CLIP1: variants seen among roughly 807,000 people sequenced by gnomAD.
CLIP1 encodes the protein CAP-Gly domain containing linker protein 1.
Under a neutral mutation model 161.6 loss-of-function variants are expected in CLIP1, and 66 were observed. That is an observed-to-expected ratio of 0.41 (90% CI 0.33 to 0.50). The LOEUF (loss-of-function observed/expected upper bound fraction) is 0.50. Ranked by LOEUF, CLIP1 falls within the 20% of genes least tolerant of loss-of-function variation. The probability of loss-of-function intolerance (pLI) is 0.27; values close to 1 mark genes in which losing one functional copy is unlikely to be tolerated. For missense variants in CLIP1, 1,376 were observed against 1,702.0 expected (o/e 0.81, Z 3.37); for synonymous variants, 598 against 626.2 (o/e 0.96, Z 0.67).
At chr12:122,366,077 TGGGTG>T in intron 3 of CLIP1, among the ~76,000 whole-genome samples, 1 of 151,770 alleles carries the variant, frequency 6.6e-6, no homozygotes. Flanking sequence ...GAGGCCAAGG[TGGGTG>T]GATCACCTGA....
At chr12:122,415,085 T>A (rs1466695832) in intron 1 of CLIP1, among the ~76,000 whole-genome samples, 1 of 151,616 alleles carries the variant, frequency 6.6e-6, no homozygotes, top group East Asian at 2.0e-4. Context: ...AATAATTTTT[T>A]AAAAAAACAT....
At chr12:122,373,298 C>T (rs1235733250) in intron 3 of CLIP1, among the ~76,000 whole-genome samples, 2 of 151,828 alleles carry the variant, frequency 1.3e-5, no homozygotes, top group South Asian at 2.1e-4. Flanking sequence ...TGGTGGCGCA[C>T]GTCTGTAGTC....
intron 5 of CLIP1, among the ~76,000 whole-genome samples, chr12:122,360,292 G>A (rs189224673): frequency 6.6e-6 from 1 of 152,030 alleles, no homozygotes; most frequent in African/African-American, 2.4e-5. Context: ...AGAAAGAGAG[G>A]CTGGGAGCAG....
rs771798861 is a variant in CLIP1 at position 122,351,160 on chromosome 12, A to T, written c.1369-17T>A. The T allele has an allele frequency of 6.7e-5, 96 of 1,425,106 alleles. No individual in the cohort carries two copies. The highest frequency in any genetic ancestry group is 8.3e-5 in the Non-Finnish European group (89 of 1,076,222). The allele number at this position is 1,425,106 out of a possible 1,614,324, so 88.3% of individuals were successfully genotyped here. A position where few individuals can be genotyped will look rare whatever the true frequency, so the allele number is the denominator to read the frequency against. ...GCTCTTTTGCTATCAGTAAAAAAAT[A>T]AAAAAAATTAAACAACAACAAAAAA... On this transcript the variant is annotated splice_polypyrimidine_tract_variant and intron_variant, in intron 8 of 25. Coordinates refer to ENST00000620786, the MANE Select transcript of CLIP1 (RefSeq NM_001247997.2).
chr12:122,398,610 A>G (rs924462106), intron 1 of CLIP1, among the ~76,000 whole-genome samples: 1 of 151,944 alleles, frequency 6.6e-6, no homozygotes, highest in Non-Finnish European at 1.5e-5. Context: ...GCTCACACCT[A>G]TAATCCCAGC....
intron 1 of CLIP1, among the ~76,000 whole-genome samples, chr12:122,397,841 G>C (rs1955983245): frequency 6.6e-6 from 1 of 151,726 alleles, no homozygotes; most frequent in African/African-American, 2.4e-5. Context: ...TGTAATCCCA[G>C]CTACTCAGTA....
intron 15 of CLIP1, 110 bp from the exon 16 acceptor site, chr12:122,328,536 T>A: frequency 1.6e-6 from 1 of 645,068 alleles, no homozygotes; most frequent in Non-Finnish European, 2.3e-6. Flanking sequence ...AAGTTATGTG[T>A]AATTAATAAC....
intron 1 of CLIP1, among the ~76,000 whole-genome samples, chr12:122,414,283 G>T (rs2137191907): frequency 6.6e-6 from 1 of 152,070 alleles, no homozygotes; most frequent in East Asian, 1.9e-4. Flanking sequence ...AAGTAGGTGG[G>T]ACTACAGGCA....
chr12:122,421,076 T>C (rs1956922665), intron 1 of CLIP1, among the ~76,000 whole-genome samples: 2 of 149,582 alleles, frequency 1.3e-5, no homozygotes, highest in Admixed American at 1.3e-4. Flanking sequence ...AAAGGTATTC[T>C]GACTTCAGGT....
At chr12:122,349,746 CA>C (rs754868477) in intron 9 of CLIP1, among the ~76,000 whole-genome samples, 2 of 152,206 alleles carry the variant, frequency 1.3e-5, no homozygotes, top group Non-Finnish European at 2.9e-5. Context: ...ACAGGAAAGG[CA>C]GGGGGGAAAT....
At chr12:122,346,183 C>A (rs1039589700) in intron 10 of CLIP1, among the ~76,000 whole-genome samples, 4 of 152,214 alleles carry the variant, frequency 2.6e-5, no homozygotes, top group African/African-American at 7.2e-5. Context: ...GTCCTAGATG[C>A]AAATCCTGCC....
chr12:122,279,160 A>G lies in CLIP1; in HGVS notation c.3648-15T>C. 1 of 1,563,992 alleles carries G rather than the reference A, an allele frequency of 6.4e-7. No individual in the cohort carries two copies. Among genetic ancestry groups the G allele is most frequent in the East Asian group, 2.2e-5 (1 of 44,568 alleles). The stretch of plus-strand genomic sequence containing the variant: ...ACTTGGATTCTCTAAAAGACCAAAG[A>G]GTTAAAAGTTCCACAAATCAACCGA... On this transcript the variant is annotated splice_polypyrimidine_tract_variant and intron_variant, in intron 21 of 25. Coordinates refer to ENST00000620786, the MANE Select transcript of CLIP1 (RefSeq NM_001247997.2). The surrounding 1 kb of genome is among the most constrained non-coding windows in gnomAD (Gnocchi z 4.5).
chr12:122,280,860 C>G (rs1955618295), intron 21 of CLIP1: 1 of 152,264 alleles, frequency 6.6e-6, no homozygotes, highest in Non-Finnish European at 1.5e-5. Flanking sequence ...TACATTACCA[C>G]AGTCACCAGT....
At chr12:122,276,449 T>C in intron 24 of CLIP1, 6 of 1,286,132 alleles carry the variant, frequency 4.7e-6, no homozygotes, top group Non-Finnish European at 6.1e-6. Flanking sequence ...CATTTGCTGA[T>C]TGGAAGAAAA....
chr12:122,405,029 A>G (rs1044198093), intron 1 of CLIP1, among the ~76,000 whole-genome samples: 11 of 152,202 alleles, frequency 7.2e-5, no homozygotes, highest in Non-Finnish European at 1.6e-4. Flanking sequence ...AACCACCTCT[A>G]GAGTCAGGTG....
intron 9 of CLIP1, among the ~76,000 whole-genome samples, chr12:122,348,597 A>T (rs1241724718): frequency 6.6e-6 from 1 of 152,196 alleles, no homozygotes; most frequent in Non-Finnish European, 1.5e-5. Flanking sequence ...GTGCAGCAGA[A>T]TCTTAATTTG....
In CLIP1 at chr12:122,341,437, C is replaced by T. The variant is rs759386251; in HGVS notation, c.1767G>A (p.Lys589=). The T allele has an allele frequency of 1.9e-6, 3 of 1,613,968 alleles. No homozygotes were observed. Among genetic ancestry groups the T allele is most frequent in the South Asian group, 2.2e-5 (2 of 91,086 alleles). The change falls in exon 11 of 26, where the codon AAG becomes AAA. Residue 589 remains lysine, a synonymous_variant. Coordinates refer to ENST00000620786, the MANE Select transcript of CLIP1 (RefSeq NM_001247997.2). ...GCTTTTCCGTGGCGGTATACAGAGC[C>T]TTTATCTCCTTCTGATGAGTTTCTT... ...AREETHQKEI[K]ALYTATEKLS... is the part of the protein sequence containing the mutation.
chr12:122,383,469 A>C (rs1359794489), intron 1 of CLIP1, among the ~76,000 whole-genome samples: 1 of 151,638 alleles, frequency 6.6e-6, no homozygotes, highest in East Asian at 1.9e-4. Context: ...CAAACCAAAG[A>C]CTAATCATAA....
intron 21 of CLIP1, among the ~76,000 whole-genome samples, chr12:122,287,341 A>G (rs761378901): frequency 3.3e-5 from 5 of 152,176 alleles, no homozygotes; most frequent in Non-Finnish European, 7.4e-5. Context: ...CGTAAAACAT[A>G]CGCTTCAGTA....
Sources: allele counts gnomAD v4.1 joint callset (sites outside exome capture counted in the v4.1 genomes callset), GRCh38; gene constraint gnomAD v4.1.1; non-coding constraint Gnocchi (gnomAD v3.1); transcripts MANE v1.5; gene names NCBI Gene and HGNC (gene_info 2026-07-23, HGNC 2026-07-21).